The following PCDHGA7 variants were observed in gnomAD, a reference collection of about 807,000 sequenced individuals.
The protein encoded by PCDHGA7 is protocadherin gamma subfamily A, 7.
PCDHGA7 carries 44 observed loss-of-function variants against 58.3 expected under a neutral mutation model. That is an observed-to-expected ratio of 0.75 (90% confidence interval 0.59 to 0.97). The LOEUF (loss-of-function observed/expected upper bound fraction) is 0.97. Ranked by LOEUF, PCDHGA7 falls within the 50% of genes least tolerant of loss-of-function variation. The probability of loss-of-function intolerance (pLI) is 0.00; values close to 1 mark genes in which losing one functional copy is unlikely to be tolerated. For missense variants in PCDHGA7, 1,266 were observed against 1,188.7 expected (o/e 1.06, Z -0.96); for synonymous variants, 516 against 504.2 (o/e 1.02, Z -0.31).
intron 1 of PCDHGA7, chr5:141,441,387 G>A (rs2098243952): frequency 6.5e-6 from 1 of 153,712 alleles, no homozygotes; most frequent in Non-Finnish European, 1.5e-5. Flanking sequence ...CAGACCCAAG[G>A]TATAACATCA....
In PCDHGA7 at chr5:141,477,085, G is replaced by A. The variant is rs1420972762; in HGVS notation, c.2425-17722G>A. On this transcript the variant is annotated intron_variant, in intron 1 of 3. Coordinates refer to ENST00000518325, the MANE Select transcript of PCDHGA7 (RefSeq NM_018920.4). This position sits in a 1 kb window ranked among gnomAD's most constrained non-coding sequence, Gnocchi z 4.9. ...CCAAACTCCATGAGATTTACATCCAGGCCAAAGACAAGGGCGCCAATCCCG... is the reference window on the plus strand; with the variant it reads ...CCAAACTCCATGAGATTTACATCCAAGCCAAAGACAAGGGCGCCAATCCCG... 1 of 1,614,262 alleles carries A rather than the reference G, an allele frequency of 6.2e-7. No individual in the cohort carries two copies. The highest frequency in any genetic ancestry group is 1.7e-5 in the Admixed American group (1 of 60,034).
chr5:141,407,505 T>TTTTTTTTTTTTTTTTTTTTTTTTTTGAG (rs1460306566), intron 1 of PCDHGA7, among the ~76,000 whole-genome samples: 1 of 152,146 alleles, frequency 6.6e-6, no homozygotes, highest in Non-Finnish European at 1.5e-5. Context: ...CTGTTTTTCT[T>TTTTTTTTTTTTTTTTTTTTTTTTTTGAG]AGGCTATGTA....
intron 1 of PCDHGA7, among the ~76,000 whole-genome samples, chr5:141,429,387 T>TA (rs11410533): frequency 0.01 from 1,566 of 151,436 alleles, 8 homozygotes; most frequent in Middle Eastern, 0.031. Flanking sequence ...GTTTTTTTTT[T>TA]AAAAAAAATT....
intron 1 of PCDHGA7, chr5:141,418,958 G>A: frequency 4.3e-6 from 7 of 1,614,000 alleles, no homozygotes; most frequent in Non-Finnish European, 5.9e-6. Context: ...AGTGGTTGTT[G>A]CCCTCTTCAA....
chr5:141,410,140 G>GCGTGA, intron 1 of PCDHGA7: 1 of 1,612,782 alleles, frequency 6.2e-7, no homozygotes, highest in Non-Finnish European at 8.5e-7. Flanking sequence ...TGGTCGCTGT[G>GCGTGA]CGTGACGGTG....
At chr5:141,394,696 C>G (rs1006890229) in intron 1 of PCDHGA7, 1 of 1,612,928 alleles carries the variant, frequency 6.2e-7, no homozygotes, top group African/African-American at 1.3e-5. Context: ...GAGGTGCGCA[C>G]GGCGCGAGCC....
At chr5:141,466,201 T>C (rs985163022) in intron 1 of PCDHGA7, among the ~76,000 whole-genome samples, 1 of 152,006 alleles carries the variant, frequency 6.6e-6, no homozygotes, top group African/African-American at 2.4e-5. Context: ...GACACAGCCT[T>C]GCTCTGTTAC....
intron 1 of PCDHGA7, chr5:141,394,033 G>C (rs1242755844): frequency 1.2e-6 from 2 of 1,613,422 alleles, no homozygotes; most frequent in Non-Finnish European, 1.7e-6. Context: ...TTAGTGACAA[G>C]GAAATATTTG....
chr5:141,414,000 A>T (rs759228883), intron 1 of PCDHGA7: 2 of 1,613,282 alleles, frequency 1.2e-6, no homozygotes, highest in African/African-American at 2.7e-5. Flanking sequence ...ACAGGGACGA[A>T]GGTGCCAATG....
intron 1 of PCDHGA7, chr5:141,423,971 G>T: frequency 8.8e-7 from 1 of 1,136,014 alleles, no homozygotes; most frequent in Non-Finnish European, 1.1e-6. Context: ...TCTATTATCA[G>T]TGTATGAGGC....
intron 1 of PCDHGA7, among the ~76,000 whole-genome samples, chr5:141,437,236 C>A (rs2154557405): frequency 6.6e-6 from 1 of 152,278 alleles, no homozygotes; most frequent in South Asian, 2.1e-4. Context: ...AAAATTATGT[C>A]AAGGACTTTC....
chr5:141,415,247 C>G, intron 1 of PCDHGA7: 1 of 1,614,210 alleles, frequency 6.2e-7, no homozygotes. Context: ...TCTGAAACCT[C>G]AGACCTCACT....
Position 141,389,969 on chromosome 5 carries a change from C to T in PCDHGA7, c.2424+4646C>T, listed in dbSNP as rs762168749. 10 of 1,614,042 alleles carry T rather than the reference C, an allele frequency of 6.2e-6. No individual in the cohort carries two copies. In the South Asian group the frequency reaches 1.1e-4, roughly 18 times the overall value. On this transcript the variant is annotated intron_variant, in intron 1 of 3. Coordinates refer to ENST00000518325, the MANE Select transcript of PCDHGA7 (RefSeq NM_018920.4). ...AGTTTTACCTAGTGGTGGCCTTGGC[C>T]TTGATCTCAGTGCTCTTCCTCGTGG...
rs760095389 is a variant in PCDHGA7, at chr5:141,486,731, A to G, written c.2425-8076A>G. On this transcript the variant is annotated intron_variant, in intron 1 of 3. Transcript: ENST00000518325. The surrounding 1 kb of genome is among the most constrained non-coding windows in gnomAD (Gnocchi z 5.0). ...CCCCCAGACAGGAGCTGTTCATGCT[A>G]CTCGATCCTTTGACTATGAGCAAAC... The G allele has an allele frequency of 6.2e-7, 1 of 1,614,060 alleles. No individual in the cohort carries two copies. Among genetic ancestry groups the G allele is most frequent in the Non-Finnish European group, 8.5e-7 (1 of 1,180,012 alleles).
chr5:141,415,404 C>T, intron 1 of PCDHGA7: 1 of 1,614,238 alleles, frequency 6.2e-7, no homozygotes, highest in Non-Finnish European at 8.5e-7. Context: ...CCGGCTCGCA[C>T]TTTGTGGGCG....
chr5:141,418,681 C>T (rs778899235), intron 1 of PCDHGA7: 2 of 1,614,052 alleles, frequency 1.2e-6, no homozygotes, highest in Non-Finnish European at 1.7e-6. Flanking sequence ...AGGGCATCAA[C>T]TCAGAGATCA....
In PCDHGA7 at chr5:141,394,672, G is replaced by A. The variant is rs1407775660; in HGVS notation, c.2424+9349G>A. 4 of 1,612,088 alleles carry A rather than the reference G, an allele frequency of 2.5e-6. No individual in the cohort carries two copies. In the African/African-American group the frequency reaches 5.4e-5, roughly 22 times the overall value. On this transcript the variant is annotated intron_variant, in intron 1 of 3. Transcript: ENST00000518325. Reference sequence around the variant, plus strand: ...AGCGAGCCGGGACTCTTCTCGGTGGGTCTGCACACGGGCGAGGTGCGCACG... The same window carrying A: ...AGCGAGCCGGGACTCTTCTCGGTGGATCTGCACACGGGCGAGGTGCGCACG...
chr5:141,437,434 G>A (rs183505868), intron 1 of PCDHGA7, among the ~76,000 whole-genome samples: 409 of 152,312 alleles, frequency 2.7e-3, no homozygotes, highest in Middle Eastern at 6.8e-3. Flanking sequence ...AGCAGCAATA[G>A]CATAGGAATG....
At chr5:141,388,278 A>C (rs769879098) in intron 1 of PCDHGA7, 2 of 1,613,384 alleles carry the variant, frequency 1.2e-6, no homozygotes, top group African/African-American at 2.7e-5. Context: ...CCACACGCCA[A>C]AATTCACGCA....
Sources: gnomAD v4.1 joint callset for allele counts (sites outside exome capture counted in the v4.1 genomes callset) on GRCh38, gnomAD v4.1.1 for gene constraint, Gnocchi (gnomAD v3.1) non-coding constraint, MANE v1.5 for transcripts, NCBI Gene and HGNC (gene_info 2026-07-23, HGNC 2026-07-21) for gene names.